ISM2: variants seen among roughly 807,000 people sequenced by gnomAD.
ISM2 encodes isthmin-2.
In ISM2, 50 loss-of-function variants were observed where a neutral mutation model predicts 58.0. That is an observed-to-expected ratio of 0.86 (90% CI 0.69 to 1.09). The LOEUF (loss-of-function observed/expected upper bound fraction) is 1.09, where lower values mean the gene tolerates loss of function less well. ISM2 is among the 50% of genes least tolerant of loss of function. The pLI, the probability that ISM2 is intolerant of heterozygous loss-of-function variation, is 0.00. For missense variants in ISM2, 723 were observed against 745.0 expected (o/e 0.97, Z 0.34); for synonymous variants, 303 against 312.4 (o/e 0.97, Z 0.32).
chr14:77,482,581 G>T lies in ISM2; in HGVS notation c.714C>A (p.Thr238=), dbSNP rs772754123. Residue 238 remains threonine, a synonymous_variant, in exon 4 of 7, where the codon ACC becomes ACA. Coordinates refer to ENST00000342219, the MANE Select transcript of ISM2 (RefSeq NM_199296.3). The stretch of plus-strand genomic sequence containing the variant: ...ACCAGAGGGCGGGCAGCCAGCTAAG[G>T]GTATCCTGGGGCGGGGGATTGCTGG... ...AEPSNPPPQD[T]LSWLPALWSF... 14 of 1,612,636 alleles carry T rather than the reference G, an allele frequency of 8.7e-6. No homozygotes were observed. Among genetic ancestry groups the T allele is most frequent in the Admixed American group, 1.7e-5 (1 of 59,824 alleles).
At chr14:77,480,542 T>C (rs1488089475) in intron 4 of ISM2, among the ~76,000 whole-genome samples, 1 of 125,224 alleles carries the variant, frequency 8.0e-6, no homozygotes, top group Non-Finnish European at 1.6e-5. Flanking sequence ...ACACGGAAAT[T>C]TTTTCCTTTT....
chr14:77,496,052 A>G (rs1341454949), intron 1 of ISM2, among the ~76,000 whole-genome samples: 1 of 151,590 alleles, frequency 6.6e-6, no homozygotes, highest in Non-Finnish European at 1.5e-5. Flanking sequence ...ATCTCTACTA[A>G]AAAAATACAA....
intron 1 of ISM2, among the ~76,000 whole-genome samples, chr14:77,497,003 C>G (rs1470686606): frequency 3.3e-5 from 5 of 151,778 alleles, no homozygotes; most frequent in Non-Finnish European, 2.9e-5. Context: ...CTGGCTCTCA[C>G]TCTCTCACTC....
intron 1 of ISM2, among the ~76,000 whole-genome samples, chr14:77,485,785 C>G (rs781603138): frequency 6.6e-6 from 1 of 152,226 alleles, no homozygotes; most frequent in Non-Finnish European, 1.5e-5. Context: ...TCAGGCCACA[C>G]CCTTGCCACC....
intron 1 of ISM2, among the ~76,000 whole-genome samples, chr14:77,487,766 AG>A (rs1294504860): frequency 6.6e-6 from 1 of 152,136 alleles, no homozygotes; most frequent in African/African-American, 2.4e-5. Context: ...ATGCCAGAAG[AG>A]GGTAGGGGAG....
At chr14:77,487,033 G>A (rs1438189730) in intron 1 of ISM2, among the ~76,000 whole-genome samples, 1 of 151,634 alleles carries the variant, frequency 6.6e-6, no homozygotes, top group African/African-American at 2.4e-5. Context: ...CTTGAGGTCG[G>A]GAGTTTGAGA....
At position 77,480,548 on chromosome 14, in the gene ISM2, CTTTTTTTTT is replaced by C. The variant is rs537228308; in HGVS notation, c.973+1765_973+1773del. Among the ~76,000 whole-genome samples the C allele has an allele frequency of 2.1e-4, 18 of 84,828 alleles. 1 individual carries two copies. The highest frequency in any genetic ancestry group is 8.7e-4 in the African/African-American group (18 of 20,578). The allele number at this position is 84,828 out of a possible 152,430, so 55.7% of individuals were successfully genotyped here. ...AGCTGAAAAACACGGAAATTTTTTC[CTTTTTTTTT>C]TTTTTTTTTTTTTTTTTAGAGACAG... On this transcript the variant is annotated intron_variant, in intron 4 of 6. Transcript: ENST00000342219.
intron 1 of ISM2, among the ~76,000 whole-genome samples, chr14:77,485,384 C>G (rs942629876): frequency 6.6e-6 from 1 of 152,246 alleles, no homozygotes; most frequent in African/African-American, 2.4e-5. Flanking sequence ...TTCCCCTCAG[C>G]CTGCTCCTGT....
chr14:77,491,488 A>G (rs1460370822), intron 1 of ISM2, among the ~76,000 whole-genome samples: 1 of 152,170 alleles, frequency 6.6e-6, no homozygotes, highest in Non-Finnish European at 1.5e-5. Flanking sequence ...TCCCGGGCTC[A>G]AGTGATTCTC....
rs375465081 is a variant in ISM2, at chr14:77,484,541, G to T, written c.409C>A (p.Pro137Thr). 3 of 1,597,294 alleles carry T rather than the reference G, an allele frequency of 1.9e-6. No homozygotes were observed. The highest frequency in any genetic ancestry group is 2.6e-6 in the Non-Finnish European group (3 of 1,171,738). The change falls in exon 3 of 7, where the codon CCT becomes ACT. Residue 137 changes from proline (P) to threonine (T), a missense_variant. Physicochemically the swap from Pro to Thr is conservative, Grantham distance 38 (BLOSUM62 -1). Coordinates refer to ENST00000342219, the MANE Select transcript of ISM2 (RefSeq NM_199296.3). ...CGTGCCTCCTCCTCTTCCCTCAGAG[G>T]CCTAGGATCTGGGGAGGCTGAAGCC... The part of the protein sequence containing the change: ...TQASASPDPR[P>T]LREEEEARLL...
intron 6 of ISM2, 152 bp from the exon 7 acceptor site, chr14:77,476,264 G>C (rs909249035): frequency 1.3e-6 from 1 of 771,274 alleles, no homozygotes; most frequent in African/African-American, 1.8e-5. Context: ...GGGATGGAGA[G>C]AGGCTACCCC....
intron 1 of ISM2, among the ~76,000 whole-genome samples, chr14:77,490,385 A>AAAAAC (rs1310952779): frequency 2.1e-4 from 1 of 4,782 alleles, no homozygotes; most frequent in Admixed American, 5.7e-3. Flanking sequence ...AAAAAGAAAG[A>AAAAAC]AAAAGAACGG....
chr14:77,489,477 T>C (rs148331212), intron 1 of ISM2, among the ~76,000 whole-genome samples: 4 of 152,194 alleles, frequency 2.6e-5, no homozygotes, highest in African/African-American at 9.7e-5. Context: ...TAGTCAGGCC[T>C]CTTTAGCCAC....
chr14:77,495,409 G>A (rs1259491442), intron 1 of ISM2, among the ~76,000 whole-genome samples: 1 of 152,170 alleles, frequency 6.6e-6, no homozygotes, highest in Non-Finnish European at 1.5e-5. Flanking sequence ...CTTGTTAGGG[G>A]AAGATTTGGC....
At chr14:77,482,860 G>C in intron 3 of ISM2, 193 bp from the exon 4 acceptor site, 1 of 515,524 alleles carries the variant, frequency 1.9e-6, no homozygotes, top group Non-Finnish European at 3.4e-6. Context: ...TTACGGCCTG[G>C]AGGTGCATTA....
At chr14:77,495,863 G>A (rs1294442855) in intron 1 of ISM2, among the ~76,000 whole-genome samples, 5 of 152,142 alleles carry the variant, frequency 3.3e-5, no homozygotes, top group African/African-American at 1.2e-4. Context: ...ATATTACAAT[G>A]GTTTGTGACA....
intron 1 of ISM2, 21 bp from the exon 2 acceptor site, chr14:77,484,940 G>A (rs2079158672): frequency 3.3e-6 from 5 of 1,533,072 alleles, no homozygotes; most frequent in East Asian, 2.3e-5. Context: ...GAGAAGGAAG[G>A]TAAGGTAACA....
chr14:77,497,351 C>G (rs10148065), intron 1 of ISM2, among the ~76,000 whole-genome samples: 129,260 of 137,674 alleles, frequency 0.94, 61,171 homozygotes, highest in East Asian at 1. Flanking sequence ...CTGGGCAACA[C>G]AATGAGGCTC....
At chr14:77,478,188 C>A in intron 6 of ISM2, 54 bp downstream of exon 6, 1 of 1,429,776 alleles carries the variant, frequency 7.0e-7, no homozygotes. Flanking sequence ...ACCCCACCCT[C>A]CCCTGAGAGC....
Sources: allele counts gnomAD v4.1 joint callset (sites outside exome capture counted in the v4.1 genomes callset), GRCh38; gene constraint gnomAD v4.1.1; transcripts MANE v1.5; gene names NCBI Gene and HGNC (gene_info 2026-07-23, HGNC 2026-07-21).